CA12: variants seen among roughly 807,000 people sequenced by gnomAD.
CA12 encodes the protein carbonate dehydratase XII.
Under a neutral mutation model 46.8 loss-of-function variants are expected in CA12, and 36 were observed. That is an observed-to-expected ratio of 0.77 (90% CI 0.59 to 1.02). The LOEUF (loss-of-function observed/expected upper bound fraction) is 1.02. Ranked by LOEUF, CA12 falls within the 50% of genes least tolerant of loss-of-function variation. The pLI is 0.00. For missense variants in CA12, 436 were observed against 451.4 expected, an observed-to-expected ratio of 0.97 and a Z score of 0.31; for synonymous variants, 202 against 187.0, an observed-to-expected ratio of 1.08 and a Z score of -0.65.
intron 4 of CA12, among the ~76,000 whole-genome samples, chr15:63,342,957 T>G (rs1022897477): frequency 6.6e-6 from 1 of 152,202 alleles, no homozygotes; most frequent in African/African-American, 2.4e-5. Context: ...TCCTTCTAAC[T>G]TAAAAAAAAT....
At chr15:63,350,860 C>T (rs1238293688) in intron 2 of CA12, among the ~76,000 whole-genome samples, 1 of 152,144 alleles carries the variant, frequency 6.6e-6, no homozygotes, top group Non-Finnish European at 1.5e-5. Flanking sequence ...CTATGCTAAG[C>T]CCATTCTCCC....
At chr15:63,343,704 A>G (rs2039110800) in intron 4 of CA12, among the ~76,000 whole-genome samples, 1 of 152,184 alleles carries the variant, frequency 6.6e-6, no homozygotes, top group Non-Finnish European at 1.5e-5. Flanking sequence ...GGTCCATCTT[A>G]ACCAGACTCT....
chr15:63,338,722 C>T, intron 8 of CA12, 97 bp downstream of exon 8: 2 of 1,548,318 alleles, frequency 1.3e-6, no homozygotes, highest in South Asian at 2.2e-5. Flanking sequence ...CAGCCAACTT[C>T]TTGAGGGCAT....
Position 63,340,666 on chromosome 15 carries a change from G to T in CA12, c.589+54C>A. ...TTTGCTTTTCTTAAAGTCACACAGG[G>T]CTGACTACCTCCTTCTCCAGCAGAG... is the stretch of plus-strand genomic sequence containing the variant. On this transcript the variant is annotated intron_variant, in intron 6 of 10. Coordinates refer to ENST00000178638, the MANE Select transcript of CA12 (RefSeq NM_001218.5). The surrounding 1 kb of genome is among the most constrained non-coding windows in gnomAD (Gnocchi z 4.4). 1 of 1,562,708 alleles carries T rather than the reference G, an allele frequency of 6.4e-7. No individual in the cohort carries two copies. The highest frequency in any genetic ancestry group is 1.7e-4 in the Middle Eastern group (1 of 5,974).
intron 3 of CA12, 106 bp downstream of exon 3, chr15:63,346,424 C>A (rs530371768): frequency 1.1e-5 from 7 of 652,528 alleles, no homozygotes; most frequent in South Asian, 5.9e-5. Context: ...CACCCCTCCT[C>A]CTGGATGCTT....
In CA12 at chr15:63,327,563, C is replaced by G. The variant is rs187597872; in HGVS notation, c.908-330G>C. On this transcript the variant is annotated intron_variant, in intron 9 of 10. Transcript: ENST00000178638. The surrounding 1 kb of genome is among the most constrained non-coding windows in gnomAD (Gnocchi z 4.5). ...AAGTCAATCTGTTTGGTGCAGGGCCCGGGAATCTGCATTTTGCCAAATACT... is the reference window on the plus strand; with the variant it reads ...AAGTCAATCTGTTTGGTGCAGGGCCGGGGAATCTGCATTTTGCCAAATACT... Among the ~76,000 whole-genome samples, 1 of 151,822 alleles carries G rather than the reference C, an allele frequency of 6.6e-6. No individual in the cohort carries two copies. Among genetic ancestry groups the G allele is most frequent in the Non-Finnish European group, 1.5e-5 (1 of 67,942 alleles).
In CA12 at chr15:63,374,503, G is replaced by A. The variant is rs2039546686; in HGVS notation, c.106+1155C>T. Among the ~76,000 whole-genome samples, 1 of 152,176 alleles carries A rather than the reference G, an allele frequency of 6.6e-6. No homozygotes were observed. Among genetic ancestry groups the A allele is most frequent in the Non-Finnish European group, 1.5e-5 (1 of 68,036 alleles). On this transcript the variant is annotated intron_variant, in intron 2 of 10. Transcript: ENST00000178638. The surrounding 1 kb of genome is among the most constrained non-coding windows in gnomAD (Gnocchi z 4.4). ...TGAGCTTTAAGTAATTCCCAACTAT[G>A]GACCACAGCCTACCCTTCTATTACC...
Position 63,340,542 on chromosome 15 carries a change from C to T in CA12, c.590-97G>A, listed in dbSNP as rs1595779294. 3 of 1,535,224 alleles carry T rather than the reference C, an allele frequency of 2.0e-6. No individual in the cohort carries two copies. The highest frequency in any genetic ancestry group is 2.2e-5 in the East Asian group (1 of 44,448). On this transcript the variant is annotated intron_variant, in intron 6 of 10. Coordinates refer to ENST00000178638, the MANE Select transcript of CA12 (RefSeq NM_001218.5). The surrounding 1 kb of genome is among the most constrained non-coding windows in gnomAD (Gnocchi z 4.4). ...GACTGAGCCTAGAAACATGAACTAGCCCCTTTCAGGGTCATCTAACCCCAG... is the reference window on the plus strand; with the variant it reads ...GACTGAGCCTAGAAACATGAACTAGTCCCTTTCAGGGTCATCTAACCCCAG...
At chr15:63,376,688 A>C (rs565060115) in intron 1 of CA12, among the ~76,000 whole-genome samples, 1 of 148,406 alleles carries the variant, frequency 6.7e-6, no homozygotes, top group East Asian at 2.0e-4. Flanking sequence ...TCACTCTGTC[A>C]CTGGAGTACA....
intron 8 of CA12, among the ~76,000 whole-genome samples, chr15:63,336,389 A>T (rs1343942517): frequency 6.6e-6 from 1 of 152,146 alleles, no homozygotes; most frequent in Non-Finnish European, 1.5e-5. Flanking sequence ...TGGATGTCAG[A>T]GTCAAGCTCC....
intron 2 of CA12, among the ~76,000 whole-genome samples, chr15:63,371,975 T>C (rs753749302): frequency 5.9e-5 from 9 of 152,164 alleles, no homozygotes; most frequent in East Asian, 1.9e-4. Context: ...TTATTGAATA[T>C]GAAATATATA....
At chr15:63,333,782 G>A (rs1009130509) in intron 8 of CA12, among the ~76,000 whole-genome samples, 11 of 152,272 alleles carry the variant, frequency 7.2e-5, no homozygotes, top group Admixed American at 5.2e-4. Flanking sequence ...TGCCCTTGCG[G>A]TTTGCTGCCT....
rs190134699 is a variant in CA12, at chr15:63,328,725, G to A, written c.875-595C>T. Among the ~76,000 whole-genome samples, 1 of 152,090 alleles carries A rather than the reference G, an allele frequency of 6.6e-6. No individual in the cohort carries two copies. Among genetic ancestry groups the A allele is most frequent in the East Asian group, 1.9e-4 (1 of 5,158 alleles). On this transcript the variant is annotated intron_variant, in intron 8 of 10. Coordinates refer to ENST00000178638, the MANE Select transcript of CA12 (RefSeq NM_001218.5). This position sits in a 1 kb window ranked among gnomAD's most constrained non-coding sequence, Gnocchi z 5.9. ...GTTTGTTTGTGTTTTTTTTGAGACA[G>A]AGTCTCGCTCTGTCACACATGCTGG...
intron 2 of CA12, among the ~76,000 whole-genome samples, chr15:63,358,960 T>G (rs964659733): frequency 6.6e-5 from 10 of 152,146 alleles, no homozygotes; most frequent in African/African-American, 2.4e-4. Context: ...CCTCTGTTTC[T>G]GGGGACACTG....
intron 8 of CA12, among the ~76,000 whole-genome samples, chr15:63,336,300 G>A (rs2039002698): frequency 1.3e-5 from 2 of 152,332 alleles, no homozygotes; most frequent in East Asian, 1.9e-4. Flanking sequence ...ACAAGCAGCT[G>A]CTTAGACACA....
At position 63,341,069 on chromosome 15, in the gene CA12, G is replaced by C. The variant is rs186476589; in HGVS notation, c.526-286C>G. Among the ~76,000 whole-genome samples, 150 of 152,250 alleles carry C rather than the reference G, an allele frequency of 9.9e-4. 1 individual carries two copies. Among genetic ancestry groups the C allele is most frequent in the Non-Finnish European group, 3.1e-4 (21 of 68,032 alleles). Reference sequence around the variant, plus strand: ...TTGATGATCCAGATATGAGCCTGAAGGCTTTGACTAACATCCATGTCACAC... The same window carrying C: ...TTGATGATCCAGATATGAGCCTGAACGCTTTGACTAACATCCATGTCACAC... On this transcript the variant is annotated intron_variant, in intron 5 of 10. Transcript: ENST00000178638. The surrounding 1 kb of genome is among the most constrained non-coding windows in gnomAD (Gnocchi z 5.2).
At chr15:63,346,485 G>A (rs201868896) in intron 3 of CA12, 45 bp downstream of exon 3, 113 of 1,590,386 alleles carry the variant, frequency 7.1e-5, no homozygotes, top group Middle Eastern at 3.3e-4. Flanking sequence ...GGCAGCTGAG[G>A]GAGACTCAGA....
At chr15:63,350,411 C>G (rs1158536635) in intron 2 of CA12, among the ~76,000 whole-genome samples, 1 of 152,206 alleles carries the variant, frequency 6.6e-6, no homozygotes, top group African/African-American at 2.4e-5. Flanking sequence ...CTGGGAGTGA[C>G]TCTCCTAAAA....
intron 3 of CA12, among the ~76,000 whole-genome samples, chr15:63,346,069 T>C (rs908728298): frequency 6.6e-6 from 1 of 152,194 alleles, no homozygotes; most frequent in East Asian, 1.9e-4. Context: ...ACGGTATCCA[T>C]CAATATGTCC....
Sources: gnomAD v4.1 joint callset for allele counts (sites outside exome capture counted in the v4.1 genomes callset) on GRCh38, gnomAD v4.1.1 for gene constraint, Gnocchi (gnomAD v3.1) non-coding constraint, MANE v1.5 for transcripts, NCBI Gene and HGNC (gene_info 2026-07-23, HGNC 2026-07-21) for gene names.